Variants in CCSER1 observed in about 807,000 individuals in gnomAD.
The protein encoded by CCSER1 is coiled-coil serine rich protein 1, also known as serine-rich coiled-coil domain-containing protein 1.
In CCSER1, 41 loss-of-function variants were observed where a neutral mutation model predicts 82.0. That is an observed-to-expected ratio of 0.50 (90% CI 0.39 to 0.65). The LOEUF is 0.65. CCSER1 is among the 30% of genes least tolerant of loss of function. The pLI is 0.00. For missense variants in CCSER1, 1,119 were observed against 1,064.2 expected, an observed-to-expected ratio of 1.05 and a Z score of -0.72; for synonymous variants, 414 against 383.9, an observed-to-expected ratio of 1.08 and a Z score of -0.92.
intron 5 of CCSER1, among the ~76,000 whole-genome samples, chr4:90,472,382 CT>C (rs1015106241): frequency 1.2e-4 from 19 of 152,102 alleles, no homozygotes; most frequent in Middle Eastern, 6.8e-3. Context: ...TTACTTTTGA[CT>C]TTTTTTATTA....
intron 10 of CCSER1, among the ~76,000 whole-genome samples, chr4:91,148,727 A>G (rs893114174): frequency 1.3e-5 from 2 of 152,144 alleles, no homozygotes; most frequent in African/African-American, 4.8e-5. Context: ...GAGTGAGAAC[A>G]TGTGGTGTTT....
intron 3 of CCSER1, among the ~76,000 whole-genome samples, chr4:90,327,835 G>T (rs1738504448): frequency 1.3e-5 from 2 of 152,074 alleles, no homozygotes; most frequent in South Asian, 4.1e-4. Context: ...GCCCCCAGTT[G>T]AGAACTATCT....
intron 10 of CCSER1, among the ~76,000 whole-genome samples, chr4:91,176,183 T>C (rs1733326875): frequency 1.9e-5 from 2 of 105,968 alleles, no homozygotes; most frequent in Admixed American, 2.2e-4. Flanking sequence ...CATTGGTCTA[T>C]ATCTCTGTTT....
intron 9 of CCSER1, among the ~76,000 whole-genome samples, chr4:91,026,780 A>G (rs1740524177): frequency 6.6e-6 from 1 of 152,052 alleles, no homozygotes; most frequent in Non-Finnish European, 1.5e-5. Flanking sequence ...AAGCAGATTT[A>G]AACAGTTTTG....
chr4:91,496,648 TATATATTGAATATATATATATTCA>T (rs1758854169), intron 10 of CCSER1, among the ~76,000 whole-genome samples: 1 of 29,928 alleles, frequency 3.3e-5, no homozygotes, highest in African/African-American at 8.2e-5. Flanking sequence ...ATATATTCAA[TATATATTGAATATATATATATTCA>T]ATATATTTGA....
chr4:90,459,261 C>T (rs1335424795), intron 4 of CCSER1, among the ~76,000 whole-genome samples: 2 of 152,114 alleles, frequency 1.3e-5, no homozygotes, highest in African/African-American at 4.8e-5. Flanking sequence ...GAAGTATGAA[C>T]TGGACATCTG....
chr4:90,836,779 G>A (rs1761859944), intron 8 of CCSER1, among the ~76,000 whole-genome samples: 1 of 152,154 alleles, frequency 6.6e-6, no homozygotes, highest in Admixed American at 6.5e-5. Context: ...ACTTCATCAA[G>A]TGTTCATCCC....
chr4:91,355,244 G>A (rs763395547), intron 10 of CCSER1, among the ~76,000 whole-genome samples: 33 of 151,582 alleles, frequency 2.2e-4, no homozygotes, highest in African/African-American at 6.8e-4. Flanking sequence ...TTTACAGAAC[G>A]GCATCTTATT....
At chr4:90,501,125 A>G (rs1414650159) in intron 5 of CCSER1, among the ~76,000 whole-genome samples, 1 of 152,124 alleles carries the variant, frequency 6.6e-6, no homozygotes, top group Non-Finnish European at 1.5e-5. Context: ...TCGATGAGGA[A>G]TTTATCCCTT....
chr4:91,167,285 C>T (rs1187253565), intron 10 of CCSER1, among the ~76,000 whole-genome samples: 1 of 145,332 alleles, frequency 6.9e-6, no homozygotes, highest in Non-Finnish European at 1.5e-5. Context: ...CTCGTGGGTT[C>T]AAGCAATTCC....
chr4:90,345,706 C>T (rs1358579551), intron 3 of CCSER1, among the ~76,000 whole-genome samples: 1 of 152,002 alleles, frequency 6.6e-6, no homozygotes. Flanking sequence ...ACACACATGG[C>T]CCTTACTCTC....
chr4:90,606,469 T>C (rs1258047008), intron 5 of CCSER1, among the ~76,000 whole-genome samples: 3 of 152,236 alleles, frequency 2.0e-5, no homozygotes, highest in Non-Finnish European at 2.9e-5. Flanking sequence ...GTTTATAATC[T>C]TATGGGATCA....
chr4:90,700,892 C>G (rs1737955957), intron 6 of CCSER1, among the ~76,000 whole-genome samples: 1 of 152,098 alleles, frequency 6.6e-6, no homozygotes, highest in East Asian at 1.9e-4. Flanking sequence ...AGCCCTTTGT[C>G]AGATGAGTAG....
At chr4:90,461,233 T>C (rs913506372) in intron 4 of CCSER1, among the ~76,000 whole-genome samples, 2 of 138,840 alleles carry the variant, frequency 1.4e-5, no homozygotes, top group Non-Finnish European at 3.0e-5. Flanking sequence ...GCCCGGCTAA[T>C]TTTTTGTATT....
intron 10 of CCSER1, among the ~76,000 whole-genome samples, chr4:91,420,227 G>A (rs983305639): frequency 2.0e-5 from 3 of 152,004 alleles, no homozygotes; most frequent in African/African-American, 7.3e-5. Context: ...AAAAGCTTCA[G>A]CACAGCAAAG....
At chr4:91,057,252 A>C (rs1470044323) in intron 9 of CCSER1, among the ~76,000 whole-genome samples, 1 of 152,098 alleles carries the variant, frequency 6.6e-6, no homozygotes, top group Non-Finnish European at 1.5e-5. Context: ...TAAGAGCTGA[A>C]ATTGATGAAA....
intron 10 of CCSER1, among the ~76,000 whole-genome samples, chr4:91,150,267 T>C (rs1406646483): frequency 2.6e-5 from 4 of 152,244 alleles, no homozygotes; most frequent in African/African-American, 4.8e-5. Flanking sequence ...CACTTATGAT[T>C]TGGCTCTCTG....
chr4:90,294,231 G>T (rs114523104), intron 1 of CCSER1, among the ~76,000 whole-genome samples: 4,773 of 152,034 alleles, frequency 0.031, 200 homozygotes, highest in African/African-American at 0.095. Flanking sequence ...AAATAGTCTT[G>T]CCGGGCGCAG....
In CCSER1 at chr4:90,477,859, G is replaced by A. The variant is rs577809453; in HGVS notation, c.1724+9505G>A. On this transcript the variant is annotated intron_variant, in intron 5 of 10. Coordinates refer to ENST00000509176, the MANE Select transcript of CCSER1 (RefSeq NM_001145065.2). ...AACATTATCAAATTTTTAAAAATTA[G>A]ATATGAATAGAGCATATTTACTGTT... Among the ~76,000 whole-genome samples, 7 of 152,024 alleles carry A rather than the reference G, an allele frequency of 4.6e-5. 2 individuals are homozygous for A. Among genetic ancestry groups the A allele is most frequent in the South Asian group, 4.1e-4 (2 of 4,820 alleles).
Sources: gnomAD v4.1 joint callset for allele counts (sites outside exome capture counted in the v4.1 genomes callset) on GRCh38, gnomAD v4.1.1 for gene constraint, MANE v1.5 for transcripts, NCBI Gene and HGNC (gene_info 2026-07-23, HGNC 2026-07-21) for gene names.